Variants in SNED1 observed in about 807,000 individuals in gnomAD.
SNED1 encodes sushi, nidogen and EGF like domains 1, also known as sushi, nidogen and EGF-like domain-containing protein 1.
In SNED1, 81 loss-of-function variants were observed where a neutral mutation model predicts 166.7. The ratio of observed to expected loss-of-function variants is 0.49; its 90% CI spans 0.41 to 0.58. The LOEUF is 0.58. Ranked by LOEUF, SNED1 falls within the 20% of genes least tolerant of loss-of-function variation. SNED1 has a pLI of 0.00. For missense variants in SNED1, 1,604 were observed against 2,000.2 expected (o/e 0.80, Z 3.78); for synonymous variants, 762 against 822.0 (o/e 0.93, Z 1.25).
At chr2:241,071,448 C>T (rs2062710343) in intron 24 of SNED1, 128 bp from the exon 25 acceptor site, 1 of 1,106,298 alleles carries the variant, frequency 9.0e-7, no homozygotes, top group South Asian at 1.4e-5. Flanking sequence ...TGACCACGGC[C>T]CACGCACATG....
intron 1 of SNED1, among the ~76,000 whole-genome samples, chr2:241,028,895 C>T (rs972425428): frequency 4.0e-5 from 6 of 151,194 alleles, no homozygotes; most frequent in South Asian, 2.1e-4. Flanking sequence ...CTTGGGTGCC[C>T]GATTATTTTT....
At chr2:241,082,611 C>T (rs893340659) in intron 29 of SNED1, among the ~76,000 whole-genome samples, 2 of 152,184 alleles carry the variant, frequency 1.3e-5, no homozygotes, top group Admixed American at 6.5e-5. Context: ...CTCCTGGTCC[C>T]CAGGCCCCCA....
chr2:241,028,168 T>C (rs2061041772), intron 1 of SNED1, among the ~76,000 whole-genome samples: 1 of 152,244 alleles, frequency 6.6e-6, no homozygotes, highest in African/African-American at 2.4e-5. Context: ...GAGCTCTCTC[T>C]ATATTCAGGA....
rs1321373931 is a variant in SNED1 at position 241,073,459 on chromosome 2, A to T, written c.3916+95A>T. On this transcript the variant is annotated intron_variant, in intron 27 of 31. Coordinates refer to ENST00000310397, the MANE Select transcript of SNED1 (RefSeq NM_001080437.3). This position sits in a 1 kb window ranked among gnomAD's most constrained non-coding sequence, Gnocchi z 6.6. ...CAGGAGGGACCACCCACGGTGAGGA[A>T]TCAGGAGGCACAGAGCCTACCTGAG... 4.9e-6 allele frequency: 5 copies of T among 1,018,156 alleles called. No individual in the cohort carries two copies. Among genetic ancestry groups the T allele is most frequent in the Non-Finnish European group, 7.6e-6 (5 of 661,716 alleles). The allele number at this position is 1,018,156 out of a possible 1,614,324, so 63.1% of individuals were successfully genotyped here.
intron 2 of SNED1, among the ~76,000 whole-genome samples, chr2:241,032,440 C>T (rs1331556846): frequency 1.4e-5 from 2 of 141,920 alleles, no homozygotes; most frequent in African/African-American, 5.3e-5. Context: ...TGAGTGAGAA[C>T]GCTTGGACAC....
chr2:241,042,908 G>A (rs551653872), intron 8 of SNED1, among the ~76,000 whole-genome samples: 4 of 152,270 alleles, frequency 2.6e-5, no homozygotes, highest in East Asian at 3.9e-4. Flanking sequence ...TGGAGTCTGC[G>A]AAGGAGGATG....
chr2:241,034,799 T>C lies in SNED1; in HGVS notation c.805+69T>C, dbSNP rs1574942452. The C allele has an allele frequency of 2.1e-6, 3 of 1,448,312 alleles. No homozygotes were observed. The African/African-American group carries it at 4.3e-5, about 21-fold the overall frequency. The allele number at this position is 1,448,312 out of a possible 1,614,324, so 89.7% of individuals were successfully genotyped here. ...AAGGGGGTTGATGGCAGAGGAGAGG[T>C]GGAGACGAAGGGGGCTGGATGCTGA... is the stretch of plus-strand genomic sequence containing the variant. On this transcript the variant is annotated intron_variant, in intron 4 of 31. Coordinates refer to ENST00000310397, the MANE Select transcript of SNED1 (RefSeq NM_001080437.3).
Position 241,088,581 on chromosome 2 carries a change from G to A in SNED1, c.*1+179G>A, listed in dbSNP as rs2125336602. The A allele has an allele frequency of 6.6e-6, 4 of 605,628 alleles. No individual in the cohort carries two copies. In the South Asian group the frequency reaches 8.0e-5, roughly 12 times the overall value. The allele number at this position is 605,628 out of a possible 1,614,324, so 37.5% of individuals were successfully genotyped here. A position where few individuals can be genotyped will look rare whatever the true frequency, so the allele number is the denominator to read the frequency against. ...AGGAAGGTTCAGAAGTCCCCAAGGG[G>A]AAACAGACATGAACCTGGTCTAGCC... On this transcript the variant is annotated intron_variant, in intron 31 of 31. Transcript: ENST00000310397.
chr2:241,077,399 A>G (rs1390502722), intron 27 of SNED1, among the ~76,000 whole-genome samples: 3 of 152,172 alleles, frequency 2.0e-5, no homozygotes, highest in Non-Finnish European at 4.4e-5. Context: ...TATGAGCAAC[A>G]ACAAAAATCT....
chr2:241,090,251 C>G (rs1415037097), intron 31 of SNED1: 2 of 1,511,722 alleles, frequency 1.3e-6, no homozygotes, highest in Non-Finnish European at 1.8e-6. Context: ...AACTAAGACA[C>G]AAACACACAC....
chr2:241,056,028 G>C (rs533369730), intron 16 of SNED1, among the ~76,000 whole-genome samples: 4 of 148,698 alleles, frequency 2.7e-5, no homozygotes, highest in Non-Finnish European at 5.9e-5. Context: ...GTTCTTATAC[G>C]CACTATGTCT....
At chr2:241,003,495 C>T (rs1190553480) in intron 1 of SNED1, among the ~76,000 whole-genome samples, 1 of 152,222 alleles carries the variant, frequency 6.6e-6, no homozygotes, top group African/African-American at 2.4e-5. Context: ...ACCGTGTGTT[C>T]CCCAAAGCAG....
rs1044395930 is a variant in SNED1 at position 241,068,648 on chromosome 2, A to G, written c.3195-263A>G. Among the ~76,000 whole-genome samples the G allele has an allele frequency of 6.6e-6, 1 of 151,838 alleles. No individual in the cohort carries two copies. Among genetic ancestry groups the G allele is most frequent in the African/African-American group, 2.4e-5 (1 of 41,312 alleles). Reference sequence around the variant, plus strand: ...CCCCTTCTCTGGCCTCTCCCAGCTGAACACCGGCCCTCTGACCATACTGTA... The same window carrying G: ...CCCCTTCTCTGGCCTCTCCCAGCTGGACACCGGCCCTCTGACCATACTGTA... On this transcript the variant is annotated intron_variant, in intron 22 of 31. Coordinates refer to ENST00000310397, the MANE Select transcript of SNED1 (RefSeq NM_001080437.3). This position sits in a 1 kb window ranked among gnomAD's most constrained non-coding sequence, Gnocchi z 5.3.
rs200769876 is a variant in SNED1, at chr2:241,064,968, A to G, written c.2713+11A>G. ...AGGACTGCGCCAAAGGTGGGTGGCGAGGGCGCCTCCAGTGAGGGAGCCACG... is the reference window on the plus strand; with the variant it reads ...AGGACTGCGCCAAAGGTGGGTGGCGGGGGCGCCTCCAGTGAGGGAGCCACG... On this transcript the variant is annotated intron_variant, in intron 20 of 31. Transcript: ENST00000310397. This position sits in a 1 kb window ranked among gnomAD's most constrained non-coding sequence, Gnocchi z 7.0. The G allele has an allele frequency of 1.1e-4, 164 of 1,560,450 alleles. No homozygotes were observed. In the East Asian group the frequency reaches 2.9e-3, roughly 28 times the overall value.
rs1428094887 is a variant in SNED1, at chr2:241,064,155, C to T, written c.2599+30C>T. ...GGCGGCAGGCCTGCCTGCTCCCCGC[C>T]CTCTGCCCGCCTGCTCCCCGCCCTC... is the stretch of plus-strand genomic sequence containing the variant. On this transcript the variant is annotated intron_variant, in intron 19 of 31. Coordinates refer to ENST00000310397, the MANE Select transcript of SNED1 (RefSeq NM_001080437.3). The surrounding 1 kb of genome is among the most constrained non-coding windows in gnomAD (Gnocchi z 7.0). The T allele has an allele frequency of 1.0e-5, 14 of 1,401,020 alleles. No individual in the cohort carries two copies. The highest frequency in any genetic ancestry group is 2.1e-5 in the Admixed American group (1 of 48,450). The allele number at this position is 1,401,020 out of a possible 1,614,324, so 86.8% of individuals were successfully genotyped here. A position where few individuals can be genotyped will look rare whatever the true frequency, so the allele number is the denominator to read the frequency against.
At chr2:241,008,650 T>TC in intron 1 of SNED1, among the ~76,000 whole-genome samples, 1 of 152,368 alleles carries the variant, frequency 6.6e-6, no homozygotes, top group Non-Finnish European at 1.5e-5. Context: ...ATTCTCTTGT[T>TC]CTTTGCAAAG....
In SNED1 at chr2:241,057,380, A is replaced by AATATATAT. The variant is rs57902432; in HGVS notation, c.2257+4079_2257+4086dup. 7.9e-3 allele frequency among the ~76,000 whole-genome samples: 938 copies of AATATATAT among 118,050 alleles called. 20 individuals carry two copies. Among genetic ancestry groups the AATATATAT allele is most frequent in the African/African-American group, 0.018 (473 of 26,140 alleles). The allele number at this position is 118,050 out of a possible 152,430, so 77.4% of individuals were successfully genotyped here. On this transcript the variant is annotated intron_variant, in intron 16 of 31. Transcript: ENST00000310397. Reference sequence around the variant, plus strand: ...GGCGACGAGCAAAACTCCATCTCAAAATATATATATATATATATATATATA... The same window carrying AATATATAT: ...GGCGACGAGCAAAACTCCATCTCAAAATATATATATATATATATATATATATATATATA...
rs1434971204 is a variant in SNED1 at position 241,065,449 on chromosome 2, C to T, written c.2864C>T (p.Thr955Ile). The change falls in exon 21 of 32, where the codon ACA becomes ATA. Residue 955 changes from threonine to isoleucine, a missense_variant. Coordinates refer to ENST00000310397, the MANE Select transcript of SNED1 (RefSeq NM_001080437.3). ...TCCTCCGACGGCTCCTACCGCCGCACAGACTTTGTGGACAGGACCCGCTCC... is the reference window on the plus strand; with the variant it reads ...TCCTCCGACGGCTCCTACCGCCGCATAGACTTTGTGGACAGGACCCGCTCC... ...YVSSDGSYRR[T>I]DFVDRTRSSH... 6.2e-7 allele frequency: 1 copy of T among 1,612,968 alleles called. No individual in the cohort carries two copies. Among genetic ancestry groups the T allele is most frequent in the African/African-American group, 1.3e-5 (1 of 74,948 alleles).
At chr2:241,040,644 AGGG>A (rs2061497605) in intron 8 of SNED1, among the ~76,000 whole-genome samples, 3 of 152,200 alleles carry the variant, frequency 2.0e-5, no homozygotes, top group Non-Finnish European at 4.4e-5. Flanking sequence ...TGCTGCCTCC[AGGG>A]TGCTGTGTGA....
Sources: allele counts gnomAD v4.1 joint callset (sites outside exome capture counted in the v4.1 genomes callset), GRCh38; gene constraint gnomAD v4.1.1; non-coding constraint Gnocchi (gnomAD v3.1); transcripts MANE v1.5; gene names NCBI Gene and HGNC (gene_info 2026-07-23, HGNC 2026-07-21).